BCL10: variants seen among roughly 807,000 people sequenced by gnomAD.
The protein encoded by BCL10 is B-cell lymphoma/leukemia 10.
BCL10 carries 5 observed loss-of-function variants against 19.2 expected under a neutral mutation model. That is an observed-to-expected ratio of 0.26 (90% CI 0.14 to 0.55). BCL10 has a LOEUF of 0.55. Ranked by LOEUF, BCL10 falls within the 20% of genes least tolerant of loss-of-function variation. The probability of loss-of-function intolerance (pLI) is 0.94; values close to 1 mark genes in which losing one functional copy is unlikely to be tolerated. For synonymous variants in BCL10, 110 were observed against 98.8 expected, an observed-to-expected ratio of 1.11 and a Z score of -0.67; for missense variants, 201 against 271.9, an observed-to-expected ratio of 0.74 and a Z score of 1.83.
chr1:85,276,262 C>T (rs1340380738), intron 1 of BCL10, 34 bp downstream of exon 1: 1 of 1,610,488 alleles, frequency 6.2e-7, no homozygotes, highest in South Asian at 1.1e-5. Flanking sequence ...TGCAGCCCGC[C>T]CCCGCCCGCC....
intron 1 of BCL10, among the ~76,000 whole-genome samples, chr1:85,274,301 G>A (rs924481327): frequency 2.6e-5 from 4 of 152,178 alleles, no homozygotes; most frequent in African/African-American, 7.2e-5. Flanking sequence ...AGTAGTTAAT[G>A]TTTCAGTTGA....
chr1:85,269,654 A>G (rs1264339868), intron 2 of BCL10, among the ~76,000 whole-genome samples: 1 of 152,244 alleles, frequency 6.6e-6, no homozygotes, highest in Non-Finnish European at 1.5e-5. Flanking sequence ...TCTTTTCTGT[A>G]TCCCTAATGC....
chr1:85,273,758 A>G (rs12032582), intron 1 of BCL10, among the ~76,000 whole-genome samples: 3,553 of 152,228 alleles, frequency 0.023, 94 homozygotes, highest in East Asian at 0.11. Context: ...ATCCTCATTC[A>G]TCTCTATAGA....
chr1:85,267,211 C>T lies in BCL10; in HGVS notation c.*416G>A. On this transcript the variant is annotated 3_prime_UTR_variant, in exon 3 of 3. Transcript: ENST00000648566. ...GACCGGTTTTATTACTGAACAGGAA[C>T]AGCTTAATGCTGAAAATTTGCTGCT... The T allele has an allele frequency of 4.8e-6, 1 of 208,888 alleles. No individual in the cohort carries two copies. Among genetic ancestry groups the T allele is most frequent in the Non-Finnish European group, 9.8e-6 (1 of 102,520 alleles). The allele number at this position is 208,888 out of a possible 1,614,324, so 12.9% of individuals were successfully genotyped here. A position where few individuals can be genotyped will look rare whatever the true frequency, so the allele number is the denominator to read the frequency against.
At position 85,267,015 on chromosome 1, in the gene BCL10, G is replaced by C. The variant is rs1166018827; in HGVS notation, c.*612C>G. The C allele has an allele frequency of 2.6e-5, 5 of 189,390 alleles. No individual in the cohort carries two copies. The highest frequency in any genetic ancestry group is 1.2e-4 in the African/African-American group (5 of 42,834). 11.7% of individuals were successfully genotyped at this position (189,390 alleles called of 1,614,324 possible). A position where few individuals can be genotyped will look rare whatever the true frequency, so the allele number is the denominator to read the frequency against. On this transcript the variant is annotated 3_prime_UTR_variant, in exon 3 of 3. Coordinates refer to ENST00000648566, the MANE Select transcript of BCL10 (RefSeq NM_003921.5). Reference sequence around the variant, plus strand: ...AGAATGTGAAAATCCTAACAAAGTAGTATAATTAGTAAGGTTAATTAGAAA... The same window carrying C: ...AGAATGTGAAAATCCTAACAAAGTACTATAATTAGTAAGGTTAATTAGAAA...
rs187744101 is a variant in BCL10, at chr1:85,270,704, C to T, written c.260G>A (p.Arg87Gln). 1.1e-4 allele frequency: 185 copies of T among 1,613,538 alleles called. No individual in the cohort carries two copies. The highest frequency in any genetic ancestry group is 1.6e-4 in the Middle Eastern group (1 of 6,062). ...CAGGAAGTTCTGTGTTTTTTCTCGC[C>T]GAATAGATTCAACAAGGGTGTCCAG... The part of the protein sequence containing the change: ...KGLDTLVESI[R>Q]REKTQNFLIQ... The change falls in exon 2 of 3, where the codon CGG becomes CAG. Residue 87 changes from arginine to glutamine, a missense_variant. Physicochemically the swap from Arg to Gln is conservative, Grantham distance 43. Around this residue, in one of 3 missense-constraint regions of BCL10, gnomAD observed 51 missense variants for 118.8 expected, o/e 0.43. Coordinates refer to ENST00000648566, the MANE Select transcript of BCL10 (RefSeq NM_003921.5).
At chr1:85,268,097 T>A in intron 2 of BCL10, 115 bp from the exon 3 acceptor site, 1 of 637,810 alleles carries the variant, frequency 1.6e-6, no homozygotes, top group Non-Finnish European at 2.6e-6. Flanking sequence ...AAAATTTAAA[T>A]AGCAACTTGT....
In BCL10 at chr1:85,267,331, A is replaced by G. The variant is rs1660227812; in HGVS notation, c.*296T>C. 1 of 297,752 alleles carries G rather than the reference A, an allele frequency of 3.4e-6. No individual in the cohort carries two copies. The highest frequency in any genetic ancestry group is 2.2e-5 in the African/African-American group (1 of 46,430). The allele number at this position is 297,752 out of a possible 1,614,324, so 18.4% of individuals were successfully genotyped here. ...TCCTAGTAAGGGTCTATTCTCAAATAGAGATATATTCCCTATTAAAATCAG... is the reference window on the plus strand; with the variant it reads ...TCCTAGTAAGGGTCTATTCTCAAATGGAGATATATTCCCTATTAAAATCAG... On this transcript the variant is annotated 3_prime_UTR_variant, in exon 3 of 3. Transcript: ENST00000648566.
At position 85,266,372 on chromosome 1, in the gene BCL10, CAGTG is replaced by C. The variant is rs1254662575; in HGVS notation, c.*1251_*1254del. On this transcript the variant is annotated 3_prime_UTR_variant, in exon 3 of 3. Coordinates refer to ENST00000648566, the MANE Select transcript of BCL10 (RefSeq NM_003921.5). ...AAATTGTAATTTAAATAAAAACAAA[CAGTG>C]AGAGCATAAGATTTATAAACATGTA... 1.1e-5 allele frequency: 2 copies of C among 186,960 alleles called. No homozygotes were observed. The highest frequency in any genetic ancestry group is 1.9e-4 in the South Asian group (1 of 5,134). The allele number at this position is 186,960 out of a possible 1,614,324, so 11.6% of individuals were successfully genotyped here.
At position 85,275,921 on chromosome 1, in the gene BCL10, C is replaced by A. The variant is rs765892276; in HGVS notation, c.57+375G>T. On this transcript the variant is annotated intron_variant, in intron 1 of 2. Transcript: ENST00000648566. ...CACCTGGTACAGCCTTCGCTCTAGGCTGAGTGAGCAGCCTAGGCAGCCTGA... is the reference window on the plus strand; with the variant it reads ...CACCTGGTACAGCCTTCGCTCTAGGATGAGTGAGCAGCCTAGGCAGCCTGA... Among the ~76,000 whole-genome samples, 3 of 152,340 alleles carry A rather than the reference C, an allele frequency of 2.0e-5. No homozygotes were observed. The South Asian group carries it at 6.2e-4, about 32-fold the overall frequency.
At position 85,266,576 on chromosome 1, in the gene BCL10, T is replaced by A. The variant is rs1407162044; in HGVS notation, c.*1051A>T. ...TGAAAAGTACAGAGAAAATATTTTT[T>A]AAAAATCTCATCAGGCTAGGTGAGG... On this transcript the variant is annotated 3_prime_UTR_variant, in exon 3 of 3. Coordinates refer to ENST00000648566, the MANE Select transcript of BCL10 (RefSeq NM_003921.5). The A allele has an allele frequency of 5.5e-6, 1 of 181,382 alleles. No homozygotes were observed. The highest frequency in any genetic ancestry group is 1.2e-5 in the Non-Finnish European group (1 of 84,952). The allele number at this position is 181,382 out of a possible 1,614,324, so 11.2% of individuals were successfully genotyped here. A position where few individuals can be genotyped will look rare whatever the true frequency, so the allele number is the denominator to read the frequency against.
chr1:85,274,923 T>C (rs1660474043), intron 1 of BCL10, among the ~76,000 whole-genome samples: 1 of 152,220 alleles, frequency 6.6e-6, no homozygotes, highest in African/African-American at 2.4e-5. Flanking sequence ...CATCAATGAA[T>C]TGACAGAGAA....
intron 1 of BCL10, among the ~76,000 whole-genome samples, chr1:85,272,139 C>A (rs965257797): frequency 6.6e-6 from 1 of 152,214 alleles, no homozygotes; most frequent in African/African-American, 2.4e-5. Context: ...CTGGCATGGA[C>A]TATTAACAAT....
Position 85,270,870 on chromosome 1 carries a change from T to G in BCL10, c.94A>C (p.Ile32Leu), listed in dbSNP as rs1557787167. 6.2e-7 allele frequency: 1 copy of G among 1,613,012 alleles called. No homozygotes were observed. Among genetic ancestry groups the G allele is most frequent in the Non-Finnish European group, 8.5e-7 (1 of 1,179,962 alleles). Residue 32 changes from isoleucine (I) to leucine (L), a missense_variant, in exon 2 of 3, where the codon ATC becomes CTC. Physicochemically the swap from Ile to Leu is conservative, Grantham distance 5. Transcript: ENST00000648566. ...ENLRVYLCEK[I>L]IAERHFDHLR... ...TGATCAAAATGTCTCTCAGCTATGATTTTCTCACACAGGTATACACGTAAA... is the reference window on the plus strand; with the variant it reads ...TGATCAAAATGTCTCTCAGCTATGAGTTTCTCACACAGGTATACACGTAAA...
At chr1:85,275,241 T>C in intron 1 of BCL10, among the ~76,000 whole-genome samples, 1 of 152,236 alleles carries the variant, frequency 6.6e-6, no homozygotes, top group East Asian at 1.9e-4. Flanking sequence ...AGCAGGAAAC[T>C]GATCTTCATT....
chr1:85,267,745 G>C lies in BCL10; in HGVS notation c.584C>G (p.Pro195Arg). The change falls in exon 3 of 3, where the codon CCT becomes CGT. Residue 195 changes from proline to arginine, a missense_variant. Pro to Arg is a moderately radical substitution (Grantham distance 103). Transcript: ENST00000648566. Reference sequence around the variant, plus strand: ...CAAAGGAGGAGCCCCTGGGTCCCCAGGTCTGGGAAGTGTAGTTGAAGAGAA... The same window carrying C: ...CAAAGGAGGAGCCCCTGGGTCCCCACGTCTGGGAAGTGTAGTTGAAGAGAA... Reference protein sequence around the residue: ...TIFSSTTLPRPGDPGAPPLPP... With the variant: ...TIFSSTTLPRRGDPGAPPLPP... The C allele has an allele frequency of 6.2e-7, 1 of 1,614,228 alleles. No individual in the cohort carries two copies. Among genetic ancestry groups the C allele is most frequent in the South Asian group, 1.1e-5 (1 of 91,092 alleles).
At chr1:85,271,809 G>GTAA (rs544861812) in intron 1 of BCL10, among the ~76,000 whole-genome samples, 180 of 152,274 alleles carry the variant, frequency 1.2e-3, no homozygotes, top group African/African-American at 4.3e-3. Context: ...AATGACAAAG[G>GTAA]TAATGGCAGG....
Position 85,267,970 on chromosome 1 carries a change from C to T in BCL10, c.359G>A (p.Ser120Asn). Residue 120 changes from serine to asparagine, a missense_variant, in exon 3 of 3, where the codon AGC becomes AAC. Physicochemically the swap from Ser to Asn is conservative, Grantham distance 46. Around this residue, in one of 3 missense-constraint regions of BCL10, gnomAD observed 126 missense variants for 136.6 expected, o/e 0.92. Transcript: ENST00000648566. ...KLEHLKGLKC[S>N]SCEPFPDGAT... ...TCCATCTGGAAAAGGTTCACAACTG[C>T]TACATTTTAGTCCTACAATAAAATT... 6.4e-7 allele frequency: 1 copy of T among 1,556,076 alleles called. No individual in the cohort carries two copies. Among genetic ancestry groups the T allele is most frequent in the South Asian group, 1.2e-5 (1 of 82,860 alleles).
chr1:85,275,163 C>G (rs1329142516), intron 1 of BCL10, among the ~76,000 whole-genome samples: 1 of 152,188 alleles, frequency 6.6e-6, no homozygotes, highest in Non-Finnish European at 1.5e-5. Context: ...TGGCACTCAC[C>G]ATGAATAAGA....
Sources: allele counts gnomAD v4.1 joint callset (sites outside exome capture counted in the v4.1 genomes callset), GRCh38; gene constraint gnomAD v4.1.1; regional missense constraint gnomAD v4.1.1; transcripts MANE v1.5; gene names NCBI Gene and HGNC (gene_info 2026-07-23, HGNC 2026-07-21).